The following PRDM5 variants were observed in gnomAD, a reference collection of about 807,000 sequenced individuals.
PRDM5 encodes PR domain zinc finger protein 5.
PRDM5 carries 56 observed loss-of-function variants against 81.2 expected under a neutral mutation model. The ratio of observed to expected loss-of-function variants is 0.69; its 90% CI spans 0.56 to 0.86. The LOEUF is 0.86. PRDM5 is among the 40% of genes least tolerant of loss of function. PRDM5 has a pLI of 0.00. For missense variants in PRDM5, 697 were observed against 770.1 expected, an observed-to-expected ratio of 0.91 and a Z score of 1.12; for synonymous variants, 267 against 256.4, an observed-to-expected ratio of 1.04 and a Z score of -0.39.
At chr4:120,725,272 TTG>T (rs1309371639) in intron 14 of PRDM5, among the ~76,000 whole-genome samples, 4 of 96,064 alleles carry the variant, frequency 4.2e-5, no homozygotes, top group Non-Finnish European at 1.0e-4. Flanking sequence ...TGATATACAG[TTG>T]TTTTTTTTTT....
chr4:120,921,917 T>C (rs1579255659), intron 1 of PRDM5, among the ~76,000 whole-genome samples: 1 of 151,652 alleles, frequency 6.6e-6, no homozygotes, highest in African/African-American at 2.4e-5. Context: ...GATCATCTGG[T>C]TGGCACCTCC....
intron 2 of PRDM5, among the ~76,000 whole-genome samples, chr4:120,900,827 A>T (rs1265069792): frequency 6.6e-6 from 1 of 151,836 alleles, no homozygotes; most frequent in Non-Finnish European, 1.5e-5. Flanking sequence ...TTTATTGCTT[A>T]AAAAAAAGTT....
intron 2 of PRDM5, among the ~76,000 whole-genome samples, chr4:120,883,749 T>C (rs1561597867): frequency 6.6e-6 from 1 of 152,128 alleles, no homozygotes; most frequent in Non-Finnish European, 1.5e-5. Flanking sequence ...AGAAGTTAAC[T>C]GAAATTTTAA....
intron 8 of PRDM5, among the ~76,000 whole-genome samples, chr4:120,807,042 A>G (rs1561318307): frequency 6.6e-6 from 1 of 152,252 alleles, no homozygotes; most frequent in Non-Finnish European, 1.5e-5. Flanking sequence ...TGGGTGAAGG[A>G]CATAACAGAC....
chr4:120,887,152 G>T (rs763591969), intron 2 of PRDM5, among the ~76,000 whole-genome samples: 4 of 152,010 alleles, frequency 2.6e-5, no homozygotes, highest in African/African-American at 4.8e-5. Context: ...CACTATGTTT[G>T]CCAGGCTGGT....
intron 14 of PRDM5, among the ~76,000 whole-genome samples, chr4:120,727,301 A>ATGTG (rs1252221294): frequency 2.8e-5 from 3 of 105,712 alleles, no homozygotes; most frequent in Non-Finnish European, 6.4e-5. Context: ...ATGTATGTAT[A>ATGTG]TATGTGTGTG....
In PRDM5 at chr4:120,905,025, T is replaced by C. The variant is rs183439157; in HGVS notation, c.177+2449A>G. On this transcript the variant is annotated intron_variant, in intron 2 of 15. Coordinates refer to ENST00000264808, the MANE Select transcript of PRDM5 (RefSeq NM_018699.4). ...ATGTATGGTTTCTGAAAAACCTTCA[T>C]AGTAAAAGAATTAACTGCTGAGGAA... 3.0e-3 allele frequency among the ~76,000 whole-genome samples: 460 copies of C among 152,298 alleles called. 4 individuals carry two copies. In the Middle Eastern group the frequency reaches 0.037, roughly 12 times the overall value.
intron 2 of PRDM5, among the ~76,000 whole-genome samples, chr4:120,882,929 G>A (rs1292676966): frequency 6.6e-6 from 1 of 152,190 alleles, no homozygotes; most frequent in African/African-American, 2.4e-5. Context: ...AAGCTGTTTG[G>A]TAAAAACATA....
chr4:120,756,487 G>A (rs973037383), intron 13 of PRDM5, among the ~76,000 whole-genome samples: 2 of 152,060 alleles, frequency 1.3e-5, no homozygotes, highest in African/African-American at 2.4e-5. Flanking sequence ...GATATATCTA[G>A]AATTTTTCTA....
chr4:120,684,389 A>G (rs1258605030), downstream of PRDM5, among the ~76,000 whole-genome samples: 6 of 152,036 alleles, frequency 3.9e-5, no homozygotes, highest in Non-Finnish European at 8.8e-5. Flanking sequence ...TTCCATGAAC[A>G]TACCTAATTT....
chr4:120,802,045 A>G (rs1161999919), intron 8 of PRDM5, among the ~76,000 whole-genome samples: 1 of 152,214 alleles, frequency 6.6e-6, no homozygotes, highest in Non-Finnish European at 1.5e-5. Context: ...TCGTTAAATG[A>G]AACATTGTTC....
chr4:120,811,355 T>G lies in PRDM5; in HGVS notation c.945+15A>C, dbSNP rs372837434. 1.3e-6 allele frequency: 2 copies of G among 1,537,840 alleles called. No individual in the cohort carries two copies. The highest frequency in any genetic ancestry group is 1.7e-5 in the Admixed American group (1 of 59,242). On this transcript the variant is annotated intron_variant, in intron 8 of 15. Coordinates refer to ENST00000264808, the MANE Select transcript of PRDM5 (RefSeq NM_018699.4). Reference sequence around the variant, plus strand: ...AGATAGATATTAAACTGTGATGAATTTTTATCTTACTGACCTTTCTATGTT... The same window carrying G: ...AGATAGATATTAAACTGTGATGAATGTTTATCTTACTGACCTTTCTATGTT...
At chr4:120,781,481 G>A (rs1749028272) in intron 11 of PRDM5, among the ~76,000 whole-genome samples, 178 bp from the exon 12 acceptor site, 1 of 152,104 alleles carries the variant, frequency 6.6e-6, no homozygotes, top group Non-Finnish European at 1.5e-5. Context: ...TGTGTGACTA[G>A]GCAGAAGTCC....
At chr4:120,827,611 C>T (rs899989384) in intron 3 of PRDM5, among the ~76,000 whole-genome samples, 2 of 152,098 alleles carry the variant, frequency 1.3e-5, no homozygotes, top group Non-Finnish European at 2.9e-5. Context: ...TAAGAAAAAA[C>T]TACTATCATC....
chr4:120,855,255 C>T (rs945553080), intron 2 of PRDM5, among the ~76,000 whole-genome samples: 2 of 152,122 alleles, frequency 1.3e-5, no homozygotes, highest in Non-Finnish European at 2.9e-5. Flanking sequence ...CCCAAGGATC[C>T]TCAATAATGA....
intron 14 of PRDM5, among the ~76,000 whole-genome samples, chr4:120,744,139 C>T (rs1345150846): frequency 1.3e-5 from 2 of 152,100 alleles, no homozygotes; most frequent in African/African-American, 2.4e-5. Flanking sequence ...CTCAAAACCG[C>T]TCAACTACAT....
chr4:120,755,897 T>G (rs986726763), intron 13 of PRDM5, among the ~76,000 whole-genome samples: 1 of 152,162 alleles, frequency 6.6e-6, no homozygotes, highest in African/African-American at 2.4e-5. Flanking sequence ...GCACCCAGGA[T>G]TCTCCCTTTG....
At chr4:120,901,748 T>C (rs1451553575) in intron 2 of PRDM5, among the ~76,000 whole-genome samples, 1 of 152,266 alleles carries the variant, frequency 6.6e-6, no homozygotes, top group Non-Finnish European at 1.5e-5. Flanking sequence ...TAAGATATTT[T>C]ACTTGAAATT....
At chr4:120,794,374 T>C (rs1429776423) in intron 10 of PRDM5, among the ~76,000 whole-genome samples, 2 of 152,176 alleles carry the variant, frequency 1.3e-5, no homozygotes, top group African/African-American at 2.4e-5. Flanking sequence ...GTTTTGGTTT[T>C]AGATTCTAAT....
Sources: allele counts gnomAD v4.1 joint callset (sites outside exome capture counted in the v4.1 genomes callset), GRCh38; gene constraint gnomAD v4.1.1; transcripts MANE v1.5; gene names NCBI Gene and HGNC (gene_info 2026-07-23, HGNC 2026-07-21).